Variants in ZNF704 observed in about 807,000 individuals in gnomAD.
ZNF704 encodes zinc finger protein 704, also known as glucocorticoid induced gene 1.
ZNF704 carries 10 observed loss-of-function variants against 44.7 expected under a neutral mutation model. The observed-to-expected ratio is 0.22, with a 90% CI of 0.14 to 0.38. The LOEUF is 0.38. ZNF704 is among the 10% of genes least tolerant of loss of function. ZNF704 has a pLI of 1.00. For synonymous variants in ZNF704, 211 were observed against 207.6 expected, an observed-to-expected ratio of 1.02 and a Z score of -0.14; for missense variants, 390 against 545.5, an observed-to-expected ratio of 0.71 and a Z score of 2.84.
At chr8:80,668,412 C>T (rs1367138335) in intron 5 of ZNF704, among the ~76,000 whole-genome samples, 1 of 152,224 alleles carries the variant, frequency 6.6e-6, no homozygotes, top group Admixed American at 6.5e-5. Flanking sequence ...GCTGAGGCGC[C>T]TGGGGAGGTG....
At chr8:80,788,756 A>G (rs1807656185) in intron 2 of ZNF704, among the ~76,000 whole-genome samples, 1 of 152,104 alleles carries the variant, frequency 6.6e-6, no homozygotes, top group Admixed American at 6.6e-5. Flanking sequence ...AAGATTTTTT[A>G]TTACCTGAAG....
intron 2 of ZNF704, among the ~76,000 whole-genome samples, chr8:80,703,083 A>T (rs1818837623): frequency 6.6e-6 from 1 of 151,734 alleles, no homozygotes; most frequent in Admixed American, 6.6e-5. Context: ...ATGAGACTTA[A>T]CTCCAATGCA....
At chr8:80,651,047 G>T (rs1482418655) in intron 7 of ZNF704, among the ~76,000 whole-genome samples, 2 of 152,026 alleles carry the variant, frequency 1.3e-5, no homozygotes, top group Admixed American at 6.6e-5. Context: ...CAACCCAGAA[G>T]TTCATATTCA....
At chr8:80,730,781 T>C (rs1037263858) in intron 2 of ZNF704, among the ~76,000 whole-genome samples, 1 of 152,058 alleles carries the variant, frequency 6.6e-6, no homozygotes, top group Non-Finnish European at 1.5e-5. Flanking sequence ...CAGGGAGAAG[T>C]TAATCTCTGT....
intron 2 of ZNF704, among the ~76,000 whole-genome samples, chr8:80,795,566 C>G (rs757152669): frequency 4.6e-5 from 7 of 151,932 alleles, no homozygotes; most frequent in Non-Finnish European, 1.0e-4. Flanking sequence ...AAATAAAATG[C>G]CTCAATAGAC....
intron 4 of ZNF704, among the ~76,000 whole-genome samples, chr8:80,678,168 G>T (rs552187773): frequency 2.4e-4 from 36 of 152,312 alleles, no homozygotes; most frequent in African/African-American, 8.7e-4. Flanking sequence ...TAGCAAAAGT[G>T]ATTAGAAAAC....
chr8:80,661,880 G>A (rs915334112), intron 6 of ZNF704, among the ~76,000 whole-genome samples: 1 of 152,126 alleles, frequency 6.6e-6, no homozygotes, highest in Non-Finnish European at 1.5e-5. Flanking sequence ...TTTGATAGCA[G>A]AGTAGGATGG....
chr8:80,818,216 T>A (rs1351024657), intron 2 of ZNF704, among the ~76,000 whole-genome samples: 3 of 152,192 alleles, frequency 2.0e-5, no homozygotes, highest in Non-Finnish European at 4.4e-5. Flanking sequence ...TTAATGAGAA[T>A]AAGCAAAAGA....
At chr8:80,788,083 C>A (rs1807644891) in intron 2 of ZNF704, among the ~76,000 whole-genome samples, 2 of 152,022 alleles carry the variant, frequency 1.3e-5, no homozygotes, top group South Asian at 4.2e-4. Context: ...TAATAAAATT[C>A]CAAACATGAT....
At chr8:80,782,550 C>T (rs989389318) in intron 2 of ZNF704, among the ~76,000 whole-genome samples, 10 of 152,254 alleles carry the variant, frequency 6.6e-5, no homozygotes, top group Admixed American at 6.5e-4. Flanking sequence ...GAAATAATCA[C>T]ATGATATGTA....
rs900421177 is a variant in ZNF704 at position 80,795,039 on chromosome 8, T to G, written c.221+26335A>C. 4.6e-5 allele frequency among the ~76,000 whole-genome samples: 7 copies of G among 152,178 alleles called. No individual in the cohort carries two copies. In the South Asian group the frequency reaches 8.3e-4, roughly 18 times the overall value. ...GCAAGTGTGTGTTCAAACCATGAGA[T>G]GAGCGACAGATTTTATTTCCTGGAT... On this transcript the variant is annotated intron_variant, in intron 2 of 8. Coordinates refer to ENST00000327835, the MANE Select transcript of ZNF704 (RefSeq NM_001033723.3).
intron 2 of ZNF704, among the ~76,000 whole-genome samples, chr8:80,703,043 C>T (rs1307111568): frequency 6.6e-6 from 1 of 152,084 alleles, no homozygotes; most frequent in African/African-American, 2.4e-5. Context: ...CACAGAAATT[C>T]ACTCTTGGGA....
intron 4 of ZNF704, among the ~76,000 whole-genome samples, chr8:80,675,779 T>C (rs1818355468): frequency 6.6e-6 from 1 of 152,156 alleles, no homozygotes; most frequent in South Asian, 2.1e-4. Context: ...ATGCCTATTA[T>C]GTATCAAAAG....
At chr8:80,703,419 C>T (rs997366349) in intron 2 of ZNF704, among the ~76,000 whole-genome samples, 10 of 152,200 alleles carry the variant, frequency 6.6e-5, no homozygotes, top group African/African-American at 2.4e-4. Flanking sequence ...AAGATCAGGG[C>T]TTAGTCTTGC....
intron 2 of ZNF704, among the ~76,000 whole-genome samples, chr8:80,761,547 C>T (rs903758448): frequency 6.6e-6 from 1 of 152,028 alleles, no homozygotes; most frequent in African/African-American, 2.4e-5. Context: ...CCTGAGAGAT[C>T]AAAATCTTGA....
chr8:80,720,646 G>C (rs1819149061), intron 2 of ZNF704, among the ~76,000 whole-genome samples: 1 of 152,202 alleles, frequency 6.6e-6, no homozygotes, highest in Non-Finnish European at 1.5e-5. Context: ...CCATGGATGG[G>C]TGGGCTACAG....
At chr8:80,696,518 A>G (rs1009504766) in intron 2 of ZNF704, among the ~76,000 whole-genome samples, 2 of 152,080 alleles carry the variant, frequency 1.3e-5, no homozygotes, top group African/African-American at 4.8e-5. Context: ...CCCGGGTTCA[A>G]GCGATTCTTC....
In ZNF704 at chr8:80,637,846, G is replaced by A. The variant is rs1054472381; in HGVS notation, c.*3520C>T. On this transcript the variant is annotated 3_prime_UTR_variant, in exon 9 of 9. Coordinates refer to ENST00000327835, the MANE Select transcript of ZNF704 (RefSeq NM_001033723.3). ...CAAGGGAGAAAACTTTTCAGCTAGTGTGGTGGAGAGAAGTCCATATCTGCT... is the reference window on the plus strand; with the variant it reads ...CAAGGGAGAAAACTTTTCAGCTAGTATGGTGGAGAGAAGTCCATATCTGCT... 2.0e-5 allele frequency: 3 copies of A among 152,274 alleles called. No homozygotes were observed. Among genetic ancestry groups the A allele is most frequent in the African/African-American group, 7.2e-5 (3 of 41,468 alleles). The allele number at this position is 152,274 out of a possible 1,614,324, so 9.4% of individuals were successfully genotyped here.
At chr8:80,718,957 A>C (rs992216902) in intron 2 of ZNF704, among the ~76,000 whole-genome samples, 1 of 146,834 alleles carries the variant, frequency 6.8e-6, no homozygotes, top group Non-Finnish European at 1.5e-5. Context: ...CAGAGTGAGC[A>C]CTCTACATTT....
Sources: allele counts gnomAD v4.1 joint callset (sites outside exome capture counted in the v4.1 genomes callset), GRCh38; gene constraint gnomAD v4.1.1; transcripts MANE v1.5; gene names NCBI Gene and HGNC (gene_info 2026-07-23, HGNC 2026-07-21).